DBX2: variants seen among roughly 807,000 people sequenced by gnomAD.
DBX2 encodes homeobox protein DBX2.
In DBX2, 16 loss-of-function variants were observed where a neutral mutation model predicts 17.7. That is an observed-to-expected ratio of 0.90 (90% CI 0.61 to 1.37). The LOEUF (loss-of-function observed/expected upper bound fraction) is 1.37. Ranked by LOEUF, DBX2 falls within the 40% of genes most tolerant of loss-of-function variation. The pLI is 0.00. For missense variants in DBX2, 538 were observed against 433.8 expected, an observed-to-expected ratio of 1.24 and a Z score of -2.13; for synonymous variants, 255 against 183.8, an observed-to-expected ratio of 1.39 and a Z score of -3.13.
At chr12:45,047,107 CA>C (rs1946504510) in intron 1 of DBX2, among the ~76,000 whole-genome samples, 2 of 152,092 alleles carry the variant, frequency 1.3e-5, no homozygotes. Flanking sequence ...GCATAACCAC[CA>C]ATTGGAAAAC....
chr12:45,017,689 A>G (rs2137017016), intron 3 of DBX2, among the ~76,000 whole-genome samples: 1 of 152,220 alleles, frequency 6.6e-6, no homozygotes, highest in South Asian at 2.1e-4. Flanking sequence ...TCTTCCTCCA[A>G]CCCAAAAGAG....
At position 45,016,443 on chromosome 12, in the gene DBX2, C is replaced by T; in HGVS notation, c.863G>A (p.Ser288Asn). 1 of 1,613,998 alleles carries T rather than the reference C, an allele frequency of 6.2e-7. No homozygotes were observed. Among genetic ancestry groups the T allele is most frequent in the South Asian group, 1.1e-5 (1 of 91,072 alleles). ...SIWDVPQQHSSPRWRENSPEP... is the reference protein window; with the variant it reads ...SIWDVPQQHSNPRWRENSPEP... ...TGGAGAATTCTCCCTCCATCTTGGA[C>T]TTGAGTGCTGTTGGGGGACGTCCCA... The change falls in exon 4 of 4, where the codon AGT becomes AAT. Residue 288 changes from serine to asparagine, a missense_variant. Ser to Asn is a conservative substitution (Grantham distance 46). Coordinates refer to ENST00000332700, the MANE Select transcript of DBX2 (RefSeq NM_001004329.3).
At chr12:45,018,720 A>C (rs147564152) in intron 3 of DBX2, among the ~76,000 whole-genome samples, 22 of 152,262 alleles carry the variant, frequency 1.4e-4, no homozygotes, top group Admixed American at 2.0e-4. Context: ...TATTCACAAT[A>C]GCCAAAAATG....
intron 1 of DBX2, among the ~76,000 whole-genome samples, chr12:45,043,272 T>C (rs1946481655): frequency 6.6e-6 from 1 of 152,228 alleles, no homozygotes; most frequent in Non-Finnish European, 1.5e-5. Context: ...GGTGACTTGC[T>C]TAACCAAGAG....
chr12:45,043,409 T>C (rs78947875), intron 1 of DBX2, among the ~76,000 whole-genome samples: 3,915 of 152,314 alleles, frequency 0.026, 63 homozygotes, highest in Non-Finnish European at 0.039. Flanking sequence ...AGTATCAGAA[T>C]GTCCAAAGTT....
intron 3 of DBX2, among the ~76,000 whole-genome samples, chr12:45,022,448 C>A (rs2731042): frequency 0.63 from 95,659 of 150,994 alleles, 30,725 homozygotes; most frequent in South Asian, 0.84. Context: ...GGACTACAGG[C>A]GCCAGCCACC....
intron 3 of DBX2, 32 bp downstream of exon 3, chr12:45,023,675 G>C (rs750898769): frequency 1.9e-6 from 3 of 1,612,246 alleles, no homozygotes; most frequent in East Asian, 2.2e-5. Flanking sequence ...GAAGAAATCA[G>C]AGGCAGTAGA....
intron 2 of DBX2, among the ~76,000 whole-genome samples, chr12:45,028,047 T>A (rs2137022647): frequency 6.6e-6 from 1 of 152,258 alleles, no homozygotes; most frequent in South Asian, 2.1e-4. Flanking sequence ...GAACAGCAAT[T>A]CCTCTTGCTG....
At chr12:45,031,930 A>G (rs1293478843) in intron 2 of DBX2, among the ~76,000 whole-genome samples, 1 of 152,040 alleles carries the variant, frequency 6.6e-6, no homozygotes, top group Admixed American at 6.5e-5. Flanking sequence ...GCCCTGTTAG[A>G]TTTCATGTTA....
chr12:45,017,640 C>A (rs1242977385), intron 3 of DBX2, among the ~76,000 whole-genome samples: 1 of 152,084 alleles, frequency 6.6e-6, no homozygotes, highest in Non-Finnish European at 1.5e-5. Context: ...GTAATTAAGC[C>A]AAAAGTGCTT....
At position 45,015,494 on chromosome 12, in the gene DBX2, C is replaced by T. The variant is rs1592748645; in HGVS notation, c.*792G>A. On this transcript the variant is annotated 3_prime_UTR_variant, in exon 4 of 4. Transcript: ENST00000332700. ...TGGGCCATACCCTCTATTTACCTGA[C>T]AGGCTCTTAAAGGCATTTTATTTTG... The T allele has an allele frequency of 6.6e-6, 1 of 152,300 alleles. No homozygotes were observed. The highest frequency in any genetic ancestry group is 1.9e-4 in the East Asian group (1 of 5,178). 9.4% of individuals were successfully genotyped at this position (152,300 alleles called of 1,614,324 possible).
Position 45,051,054 on chromosome 12 carries a change from G to C in DBX2, c.-127C>G, listed in dbSNP as rs1052697624. ...CGCAGGGCTGGAGCGCGCGGAGCCA[G>C]GCAGGGAGGAAAGGCCACCCGGGAC... On this transcript the variant is annotated 5_prime_UTR_variant, in exon 1 of 4. Coordinates refer to ENST00000332700, the MANE Select transcript of DBX2 (RefSeq NM_001004329.3). 1.8e-5 allele frequency: 22 copies of C among 1,196,160 alleles called. No homozygotes were observed. Among genetic ancestry groups the C allele is most frequent in the Non-Finnish European group, 2.1e-5 (20 of 943,594 alleles). The allele number at this position is 1,196,160 out of a possible 1,614,324, so 74.1% of individuals were successfully genotyped here.
chr12:45,038,247 T>C (rs1946450701), intron 1 of DBX2, among the ~76,000 whole-genome samples: 1 of 151,906 alleles, frequency 6.6e-6, no homozygotes, highest in Admixed American at 6.6e-5. Context: ...ATAAACATTC[T>C]ATAAATAATA....
rs1295428516 is a variant in DBX2 at position 45,014,958 on chromosome 12, T to C, written c.*1328A>G. The C allele has an allele frequency of 3.9e-5, 6 of 152,222 alleles. No individual in the cohort carries two copies. The highest frequency in any genetic ancestry group is 5.9e-5 in the Non-Finnish European group (4 of 68,024). 9.4% of individuals were successfully genotyped at this position (152,222 alleles called of 1,614,324 possible). On this transcript the variant is annotated 3_prime_UTR_variant, in exon 4 of 4. Coordinates refer to ENST00000332700, the MANE Select transcript of DBX2 (RefSeq NM_001004329.3). Reference sequence around the variant, plus strand: ...AGCAAATTAGAAGCCACCATCATTATGCAGCTTACTCACTAACAAAATGCC... The same window carrying C: ...AGCAAATTAGAAGCCACCATCATTACGCAGCTTACTCACTAACAAAATGCC...
Position 45,014,986 on chromosome 12 carries a change from T to G in DBX2, c.*1300A>C, listed in dbSNP as rs1404351707. 1 of 152,198 alleles carries G rather than the reference T, an allele frequency of 6.6e-6. No homozygotes were observed. The highest frequency in any genetic ancestry group is 1.9e-4 in the East Asian group (1 of 5,198). The allele number at this position is 152,198 out of a possible 1,614,324, so 9.4% of individuals were successfully genotyped here. A position where few individuals can be genotyped will look rare whatever the true frequency, so the allele number is the denominator to read the frequency against. ...AGCTTACTCACTAACAAAATGCCAC[T>G]TAATGAACTTCTGATAGTGTTTCTT... On this transcript the variant is annotated 3_prime_UTR_variant, in exon 4 of 4. Coordinates refer to ENST00000332700, the MANE Select transcript of DBX2 (RefSeq NM_001004329.3).
At chr12:45,022,321 T>TTTTTTTTG (rs1565580636) in intron 3 of DBX2, among the ~76,000 whole-genome samples, 1 of 147,986 alleles carries the variant, frequency 6.8e-6, no homozygotes, top group African/African-American at 2.5e-5. Flanking sequence ...TTTTTTTTTT[T>TTTTTTTTG]GAGATGGAGT....
intron 1 of DBX2, among the ~76,000 whole-genome samples, chr12:45,039,286 T>C (rs573550617): frequency 1.1e-4 from 4 of 35,040 alleles, no homozygotes; most frequent in South Asian, 2.1e-3. Flanking sequence ...GGTATATATA[T>C]ATATATATAT....
intron 2 of DBX2, among the ~76,000 whole-genome samples, chr12:45,025,570 G>A (rs1345869497): frequency 6.6e-6 from 1 of 151,548 alleles, no homozygotes; most frequent in Non-Finnish European, 1.5e-5. Context: ...CAGACAAAGA[G>A]CACATAGTTC....
chr12:45,027,521 T>C (rs1441050384), intron 2 of DBX2, among the ~76,000 whole-genome samples: 5 of 152,220 alleles, frequency 3.3e-5, no homozygotes, highest in Admixed American at 6.5e-5. Flanking sequence ...AATGCATATG[T>C]AAATTCACTT....
Sources: allele counts gnomAD v4.1 joint callset (sites outside exome capture counted in the v4.1 genomes callset), GRCh38; gene constraint gnomAD v4.1.1; transcripts MANE v1.5; gene names NCBI Gene and HGNC (gene_info 2026-07-23, HGNC 2026-07-21).